The following BLTP1 variants were observed in gnomAD, a reference collection of about 807,000 sequenced individuals.
BLTP1 encodes bridge-like lipid transfer protein family member 1, also known as fragile site-associated protein.
chr4:122,274,525 G>A, the BLTP1 span: 5 of 1,510,328 alleles, frequency 3.3e-6, no homozygotes, highest in Non-Finnish European at 4.4e-6. Context: ...TTTGAGGTTT[G>A]TATATACAAT....
chr4:122,209,022 A>C, the BLTP1 span: 9 of 962,560 alleles, frequency 9.4e-6, no homozygotes, highest in Non-Finnish European at 1.2e-5. Flanking sequence ...AATACAATAA[A>C]ATAAAAATAA....
chr4:122,203,796 T>C, the BLTP1 span: 2 of 518,396 alleles, frequency 3.9e-6, no homozygotes, highest in African/African-American at 4.1e-5. Flanking sequence ...AGAAAAAAAC[T>C]AACACGATTT....
At chr4:122,249,837 A>C in the BLTP1 span, 1 of 964,420 alleles carries the variant, frequency 1.0e-6, no homozygotes, top group Non-Finnish European at 1.2e-6. Context: ...TGAGTGCCTC[A>C]TACCAATTGC....
the BLTP1 span, chr4:122,199,507 T>C: frequency 2.1e-6 from 3 of 1,410,154 alleles, no homozygotes; most frequent in Non-Finnish European, 3.0e-6. Flanking sequence ...TTGATTTTAA[T>C]TTTCTTATAT....
the BLTP1 span, among the ~76,000 whole-genome samples, chr4:122,267,152 G>A: frequency 3.9e-4 from 54 of 139,320 alleles, no homozygotes; most frequent in Middle Eastern, 4.0e-3. Flanking sequence ...TCCACCTCCC[G>A]GGTTCATGCC....
At chr4:122,234,484 T>G in the BLTP1 span, among the ~76,000 whole-genome samples, 3 of 152,200 alleles carry the variant, frequency 2.0e-5, no homozygotes, top group South Asian at 6.2e-4. Flanking sequence ...AATGTCTGAT[T>G]TTTATATTTG....
the BLTP1 span, among the ~76,000 whole-genome samples, chr4:122,161,518 C>G: frequency 6.6e-6 from 1 of 151,614 alleles, no homozygotes; most frequent in Non-Finnish European, 1.5e-5. Flanking sequence ...GTAGCCTTGA[C>G]TTCCCAGGCT....
chr4:122,347,476 C>A, the BLTP1 span: 1 of 1,576,072 alleles, frequency 6.3e-7, no homozygotes, highest in Non-Finnish European at 8.6e-7. Flanking sequence ...AGGGATTTTA[C>A]CCTGTTACTT....
the BLTP1 span, chr4:122,182,720 G>A: frequency 3.0e-6 from 3 of 985,058 alleles, no homozygotes; most frequent in African/African-American, 1.7e-5. Context: ...GAAGTTCTCA[G>A]TATTTTTCCT....
At chr4:122,207,409 T>A in the BLTP1 span, 1 of 1,435,298 alleles carries the variant, frequency 7.0e-7, no homozygotes, top group Middle Eastern at 2.6e-4. Context: ...AGAAGACTGT[T>A]TCAGAGTTTG....
At chr4:122,165,229 C>T in the BLTP1 span, among the ~76,000 whole-genome samples, 5 of 151,940 alleles carry the variant, frequency 3.3e-5, no homozygotes, top group African/African-American at 1.2e-4. Context: ...CTCTCCCCCG[C>T]ACCCTATGAT....
the BLTP1 span, chr4:122,299,841 GTACT>G: frequency 4.1e-6 from 4 of 984,660 alleles, no homozygotes; most frequent in East Asian, 1.1e-4. Flanking sequence ...GCAGAGAGAA[GTACT>G]TAATTATAAG....
At chr4:122,343,890 A>G in the BLTP1 span, 1 of 861,514 alleles carries the variant, frequency 1.2e-6, no homozygotes, top group Non-Finnish European at 1.4e-6. Context: ...TTATTGAAAT[A>G]TTTAAATGTC....
At chr4:122,263,696 C>A in the BLTP1 span, 1 of 719,838 alleles carries the variant, frequency 1.4e-6, no homozygotes, top group Non-Finnish European at 2.2e-6. Context: ...CAAACAAGTA[C>A]TGTTTGGTTG....
chr4:122,287,216 A>G, the BLTP1 span, among the ~76,000 whole-genome samples: 139 of 152,340 alleles, frequency 9.1e-4, no homozygotes, highest in African/African-American at 3.0e-3. Context: ...ATACAGGTAT[A>G]CATAATTATT....
chr4:122,180,180 T>C, the BLTP1 span: 2 of 985,258 alleles, frequency 2.0e-6, no homozygotes, highest in Non-Finnish European at 2.4e-6. Flanking sequence ...ATGTGATCCC[T>C]GTAACGTCAT....
At chr4:122,354,911 C>T in the BLTP1 span, among the ~76,000 whole-genome samples, 7 of 151,976 alleles carry the variant, frequency 4.6e-5, no homozygotes, top group Non-Finnish European at 8.8e-5. Flanking sequence ...GTGATACACC[C>T]GCCTCAGCCT....
At chr4:122,348,649 C>T in the BLTP1 span, 12 of 1,611,752 alleles carry the variant, frequency 7.4e-6, no homozygotes, top group Admixed American at 6.7e-5. Flanking sequence ...AAACACTTGT[C>T]GTGTTTGCTA....
the BLTP1 span, chr4:122,353,193 C>A: frequency 6.2e-7 from 1 of 1,602,266 alleles, no homozygotes; most frequent in South Asian, 1.1e-5. The surrounding 1 kb of genome is among the most constrained non-coding windows in gnomAD (Gnocchi z 4.3). Flanking sequence ...TTTCTCCTAT[C>A]TTCTGTTATG....
Sources: allele counts gnomAD v4.1 joint callset (sites outside exome capture counted in the v4.1 genomes callset), GRCh38; gene constraint gnomAD v4.1.1; non-coding constraint Gnocchi (gnomAD v3.1); transcripts MANE v1.5; gene names NCBI Gene and HGNC (gene_info 2026-07-23, HGNC 2026-07-21).